The following FCAMR variants were observed in gnomAD, a reference collection of about 807,000 sequenced individuals.
FCAMR encodes Fc alpha and mu receptor, also known as high affinity immunoglobulin alpha and immunoglobulin mu Fc receptor.
Under a neutral mutation model 52.2 loss-of-function variants are expected in FCAMR, and 51 were observed. The ratio of observed to expected loss-of-function variants is 0.98; its 90% CI spans 0.78 to 1.23. FCAMR has a LOEUF of 1.23. FCAMR is among the 50% of genes most tolerant of loss of function. FCAMR has a pLI of 0.00. For synonymous variants in FCAMR, 282 were observed against 262.0 expected (o/e 1.08, Z -0.74); for missense variants, 719 against 712.6 (o/e 1.01, Z -0.10).
rs571724323 is a variant in FCAMR at position 206,959,805 on chromosome 1, G to T, written c.1455-8C>A. On this transcript the variant is annotated splice_polypyrimidine_tract_variant and splice_region_variant and intron_variant, in intron 6 of 7. Transcript: ENST00000324852. The stretch of plus-strand genomic sequence containing the variant: ...TCATCTTCTGGAAAAGTACTACAGT[G>T]GGGGTGGAAAGAGCACAGGGGAGAG... The T allele has an allele frequency of 5.0e-5, 81 of 1,606,506 alleles. 1 individual carries two copies. Among genetic ancestry groups the T allele is most frequent in the South Asian group, 3.7e-4 (34 of 90,928 alleles).
intron 7 of FCAMR, chr1:206,959,040 T>G: frequency 2.1e-6 from 1 of 467,630 alleles, no homozygotes; most frequent in Non-Finnish European, 4.4e-6. Context: ...GTCTGGGCCC[T>G]GCACTCCTGC....
chr1:206,961,988 G>A (rs1044758386), intron 5 of FCAMR, among the ~76,000 whole-genome samples: 1 of 152,232 alleles, frequency 6.6e-6, no homozygotes, highest in African/African-American at 2.4e-5. Context: ...GTGGGAGAGT[G>A]TACATGCATT....
intron 2 of FCAMR, among the ~76,000 whole-genome samples, chr1:206,967,319 C>T (rs904261972): frequency 1.3e-5 from 2 of 152,140 alleles, no homozygotes; most frequent in African/African-American, 2.4e-5. Flanking sequence ...ACATTTTGGT[C>T]ACGTCCACGA....
chr1:206,962,251 T>C lies in FCAMR; in HGVS notation c.614A>G (p.Asn205Ser), dbSNP rs370635048. 30 of 1,614,040 alleles carry C rather than the reference T, an allele frequency of 1.9e-5. No individual in the cohort carries two copies. Among genetic ancestry groups the C allele is most frequent in the Non-Finnish European group, 2.3e-5 (27 of 1,180,036 alleles). Residue 205 changes from asparagine (N) to serine (S), a missense_variant, in exon 5 of 8, where the codon AAC becomes AGC. Coordinates refer to ENST00000324852, the MANE Select transcript of FCAMR (RefSeq NM_001170631.2). ...CYLCGIGSENNMLFLSMNLTI... is the reference protein window; with the variant it reads ...CYLCGIGSENSMLFLSMNLTI... Reference sequence around the variant, plus strand: ...CAGATTCATGCTTAAGAACAGCATGTTGTTTTCACTTCCAATGCCGCAGAG... The same window carrying C: ...CAGATTCATGCTTAAGAACAGCATGCTGTTTTCACTTCCAATGCCGCAGAG...
intron 1 of FCAMR, chr1:206,969,158 C>CG (rs1680836585): frequency 3.0e-6 from 1 of 336,772 alleles, no homozygotes; most frequent in Non-Finnish European, 6.0e-6. Context: ...TAGACTCCCC[C>CG]GGGTGAATTT....
chr1:206,968,153 C>T (rs1484216898), intron 1 of FCAMR, among the ~76,000 whole-genome samples: 4 of 152,198 alleles, frequency 2.6e-5, no homozygotes, highest in African/African-American at 9.6e-5. Context: ...GCCTGACCAA[C>T]ATGGTGAAAT....
chr1:206,960,432 AG>A lies in FCAMR; in HGVS notation c.1443del (p.Ser482ProfsTer2). On this transcript the variant is annotated frameshift_variant, in exon 6 of 8. Coordinates refer to ENST00000324852, the MANE Select transcript of FCAMR (RefSeq NM_001170631.2). LOFTEE classifies it high-confidence loss of function. ...VGPWGPPGKE[S>X]SVKRTFPEDE... ...GGTGCCTGGGGTTACCGCTTCACGGAGGACTCCTTGCCAGGGGGTCCCCAGG... is the reference window on the plus strand; with the variant it reads ...GGTGCCTGGGGTTACCGCTTCACGGAGACTCCTTGCCAGGGGGTCCCCAGG... 1 of 1,498,674 alleles carries A rather than the reference AG, an allele frequency of 6.7e-7. No homozygotes were observed. The highest frequency in any genetic ancestry group is 8.9e-7 in the Non-Finnish European group (1 of 1,123,232). 92.8% of individuals were successfully genotyped at this position (1,498,674 alleles called of 1,614,324 possible).
intron 1 of FCAMR, chr1:206,969,397 C>A (rs1330674329): frequency 4.7e-6 from 2 of 422,056 alleles, no homozygotes; most frequent in Admixed American, 2.5e-5. Context: ...TCCAAGTCAC[C>A]CTCTCTGCCA....
chr1:206,960,304 G>T lies in FCAMR; in HGVS notation c.1454+118C>A, dbSNP rs558694288. ...GTGAGGGAGGGCATCCGATGTGTAT[G>T]TCACTGTCTTGTGGGTACAAAGGGA... On this transcript the variant is annotated intron_variant, in intron 6 of 7. Coordinates refer to ENST00000324852, the MANE Select transcript of FCAMR (RefSeq NM_001170631.2). 121 of 1,077,962 alleles carry T rather than the reference G, an allele frequency of 1.1e-4. No homozygotes were observed. The African/African-American group carries it at 1.8e-3, about 16-fold the overall frequency. The allele number at this position is 1,077,962 out of a possible 1,614,324, so 66.8% of individuals were successfully genotyped here.
rs1010295185 is a variant in FCAMR at position 206,958,665 on chromosome 1, C to G, written c.1585G>C (p.Glu529Gln). The G allele has an allele frequency of 9.9e-6, 16 of 1,613,930 alleles. No individual in the cohort carries two copies. Among genetic ancestry groups the G allele is most frequent in the Non-Finnish European group, 1.4e-5 (16 of 1,180,034 alleles). ...LWRRRTSQEA[E>Q]RVTLIQMTHF... ...GTCATCTGAATTAAGGTGACCCTTT[C>G]TGCCTCCTGAGCTGCAGAGACACAG... Residue 529 changes from glutamate (E) to glutamine (Q), a missense_variant, in exon 8 of 8, where the codon GAA (glutamate) becomes CAA (glutamine). Coordinates refer to ENST00000324852, the MANE Select transcript of FCAMR (RefSeq NM_001170631.2).
At chr1:206,961,700 T>C (rs1680514605) in intron 5 of FCAMR, among the ~76,000 whole-genome samples, 2 of 152,234 alleles carry the variant, frequency 1.3e-5, no homozygotes, top group African/African-American at 4.8e-5. Context: ...TGGAGGCCCT[T>C]CCTATGCTCT....
Position 206,962,213 on chromosome 1 carries a change from C to G in FCAMR, c.652G>C (p.Gly218Arg), listed in dbSNP as rs770173232. 2.9e-5 allele frequency: 47 copies of G among 1,613,576 alleles called. No homozygotes were observed. Among genetic ancestry groups the G allele is most frequent in the Non-Finnish European group, 3.9e-5 (46 of 1,179,674 alleles). The change falls in exon 5 of 8, where the codon GGT (glycine) becomes CGT (arginine). Residue 218 changes from glycine to arginine, a missense_variant and splice_region_variant. Transcript: ENST00000324852. ...TGGCCCATCAGCCGTCAGCTCATAC[C>G]TGCAGAGATGGTCAGATTCATGCTT... ...FLSMNLTISAGPASTLPTATP... is the reference protein window; with the variant it reads ...FLSMNLTISARPASTLPTATP...
rs199638609 is a variant in FCAMR at position 206,962,196 on chromosome 1, C to T, written c.652+17G>A. On this transcript the variant is annotated intron_variant, in intron 5 of 7. Coordinates refer to ENST00000324852, the MANE Select transcript of FCAMR (RefSeq NM_001170631.2). ...ACGTGCTTCACCAAGCTTGGCCCAT[C>T]AGCCGTCAGCTCATACCTGCAGAGA... 48 of 1,605,260 alleles carry T rather than the reference C, an allele frequency of 3.0e-5. No individual in the cohort carries two copies. Among genetic ancestry groups the T allele is most frequent in the Non-Finnish European group, 3.9e-5 (46 of 1,172,784 alleles).
chr1:206,964,232 G>T (rs11809474), intron 4 of FCAMR, among the ~76,000 whole-genome samples: 1 of 152,108 alleles, frequency 6.6e-6, no homozygotes, highest in Non-Finnish European at 1.5e-5. Context: ...ACAGCTTCCC[G>T]CGGGGCTGTT....
At position 206,958,620 on chromosome 1, in the gene FCAMR, G is replaced by T. The variant is rs1680357558; in HGVS notation, c.1630C>A (p.Pro544Thr). 6.2e-7 allele frequency: 1 copy of T among 1,613,972 alleles called. No individual in the cohort carries two copies. The highest frequency in any genetic ancestry group is 8.5e-7 in the Non-Finnish European group (1 of 1,180,030). The change falls in exon 8 of 8, where the codon CCC (proline) becomes ACC (threonine). Residue 544 changes from proline to threonine, a missense_variant. Physicochemically the swap from Pro to Thr is conservative, Grantham distance 38. Transcript: ENST00000324852. ...ACATGGGGCAGCTGGTCTGCTTGGG[G>T]GTTCACTTCCAGAAAATGTGTCATC... ...IQMTHFLEVNPQADQLPHVER... is the reference protein window; with the variant it reads ...IQMTHFLEVNTQADQLPHVER...
chr1:206,967,116 CA>C lies in FCAMR; in HGVS notation c.109-5del. 1.2e-6 allele frequency: 2 copies of C among 1,613,348 alleles called. No individual in the cohort carries two copies. The highest frequency in any genetic ancestry group is 1.3e-5 in the African/African-American group (1 of 74,912). ...ATCCCGCCCTCCTGCTGGTGACCTG[CA>C]AAAAACACTCTAAATGAAAAGAGGC... is the stretch of plus-strand genomic sequence containing the variant. On this transcript the variant is annotated splice_polypyrimidine_tract_variant and splice_region_variant and intron_variant, in intron 2 of 7. Coordinates refer to ENST00000324852, the MANE Select transcript of FCAMR (RefSeq NM_001170631.2).
Position 206,960,818 on chromosome 1 carries a change from T to G in FCAMR, c.1058A>C (p.Asp353Ala). ...CCCCTCTATGTCCTCCCTTGGCCTA[T>G]CAGCCTTGGTAGTTGTCATCTCCCT... is the stretch of plus-strand genomic sequence containing the variant. The part of the protein sequence containing the change: ...DRREMTTTKA[D>A]RPREDIEGVR... The change falls in exon 6 of 8, where the codon GAT becomes GCT. Residue 353 changes from aspartate (D) to alanine (A), a missense_variant. Physicochemically the swap from Asp to Ala is moderately radical, Grantham distance 126. Transcript: ENST00000324852. 3.9e-6 allele frequency: 6 copies of G among 1,552,442 alleles called. No homozygotes were observed. The South Asian group carries it at 7.1e-5, about 18-fold the overall frequency.
chr1:206,962,485 C>T lies in FCAMR; in HGVS notation c.380G>A (p.Cys127Tyr), dbSNP rs1428362770. 1 of 1,609,664 alleles carries T rather than the reference C, an allele frequency of 6.2e-7. No individual in the cohort carries two copies. The highest frequency in any genetic ancestry group is 1.3e-5 in the African/African-American group (1 of 74,826). The change falls in exon 5 of 8, where the codon TGC (cysteine) becomes TAC (tyrosine). Residue 127 changes from cysteine to tyrosine, a missense_variant. By Grantham distance (194) the Cys-to-Tyr change is radical (BLOSUM62 -2). Coordinates refer to ENST00000324852, the MANE Select transcript of FCAMR (RefSeq NM_001170631.2). ...GEPGGAVTIQ[C>Y]HYAPSSVNRH... ...GTTGACAGATGAGGGGGCATAATGG[C>T]ACTGGATGGTGACAGCTCCTCCAGG...
intron 6 of FCAMR, 63 bp downstream of exon 6, chr1:206,960,359 C>T (rs572180726): frequency 7.0e-7 from 1 of 1,435,182 alleles, no homozygotes; most frequent in Admixed American, 2.8e-5. Context: ...AGGGGCCTCC[C>T]TTGCATGCCA....
Sources: gnomAD v4.1 joint callset for allele counts (sites outside exome capture counted in the v4.1 genomes callset) on GRCh38, gnomAD v4.1.1 for gene constraint, MANE v1.5 for transcripts, NCBI Gene and HGNC (gene_info 2026-07-23, HGNC 2026-07-21) for gene names.